The following CCDC30 variants were observed in gnomAD, a reference collection of about 807,000 sequenced individuals.
The protein encoded by CCDC30 is coiled-coil domain containing 30, also known as coiled-coil domain-containing protein 30.
In CCDC30, 70 loss-of-function variants were observed where a neutral mutation model predicts 100.2. The ratio of observed to expected loss-of-function variants is 0.70; its 90% CI spans 0.58 to 0.85. CCDC30 has a LOEUF of 0.85. CCDC30 is among the 40% of genes least tolerant of loss of function. CCDC30 has a pLI of 0.00. For synonymous variants in CCDC30, 233 were observed against 269.5 expected (o/e 0.86, Z 1.33); for missense variants, 652 against 771.2 (o/e 0.85, Z 1.83).
At chr1:42,620,044 C>T (rs1646800936) in intron 11 of CCDC30, among the ~76,000 whole-genome samples, 1 of 152,142 alleles carries the variant, frequency 6.6e-6, no homozygotes, top group Admixed American at 6.6e-5. Flanking sequence ...TGAAGTATAT[C>T]TCATCAGGAG....
chr1:42,599,328 G>C (rs1294248838), intron 10 of CCDC30, among the ~76,000 whole-genome samples: 1 of 152,184 alleles, frequency 6.6e-6, no homozygotes, highest in Non-Finnish European at 1.5e-5. Flanking sequence ...CTGTGAAGTA[G>C]TATAGTGTTA....
chr1:42,464,433 C>T (rs1476678219), intron 1 of CCDC30, among the ~76,000 whole-genome samples: 1 of 152,190 alleles, frequency 6.6e-6, no homozygotes, highest in Non-Finnish European at 1.5e-5. Flanking sequence ...GAACCCAACA[C>T]TGGGGATATG....
intron 6 of CCDC30, 110 bp downstream of exon 6, chr1:42,499,026 GCTGT>G (rs762470316): frequency 9.3e-4 from 469 of 502,564 alleles, no homozygotes; most frequent in Middle Eastern, 7.2e-3. Flanking sequence ...TTCTTATTGG[GCTGT>G]CTTTTTCTAA....
chr1:42,478,453 A>G (rs2148451275), intron 1 of CCDC30, among the ~76,000 whole-genome samples: 1 of 152,330 alleles, frequency 6.6e-6, no homozygotes, highest in South Asian at 2.1e-4. Context: ...AATAATGGCC[A>G]GAAAGAATTA....
At chr1:42,616,615 A>T (rs1646732047) in intron 11 of CCDC30, among the ~76,000 whole-genome samples, 2 of 152,344 alleles carry the variant, frequency 1.3e-5, no homozygotes, top group South Asian at 4.1e-4. Context: ...TTTTACTTAA[A>T]CACAAGCTAA....
chr1:42,640,607 T>G (rs1317094030), intron 12 of CCDC30, among the ~76,000 whole-genome samples: 2 of 152,140 alleles, frequency 1.3e-5, no homozygotes, highest in East Asian at 3.8e-4. Flanking sequence ...TAATAATAGA[T>G]GGATGGCCAG....
intron 1 of CCDC30, among the ~76,000 whole-genome samples, chr1:42,473,893 T>G (rs1269810263): frequency 6.6e-6 from 1 of 152,182 alleles, no homozygotes; most frequent in African/African-American, 2.4e-5. Flanking sequence ...ACAATAGGGC[T>G]ATCTATATCT....
intron 11 of CCDC30, among the ~76,000 whole-genome samples, chr1:42,634,462 C>T (rs935781403): frequency 6.6e-6 from 1 of 151,992 alleles, no homozygotes; most frequent in African/African-American, 2.4e-5. Context: ...GTGAACAATG[C>T]AGAGGTTTGT....
chr1:42,634,085 TCCATGATACATG>T (rs1328512510), intron 11 of CCDC30, among the ~76,000 whole-genome samples: 1 of 151,998 alleles, frequency 6.6e-6, no homozygotes, highest in Non-Finnish European at 1.5e-5. Context: ...TCACCTCCCG[TCCATGATACATG>T]GGGATTATGG....
chr1:42,503,298 G>A (rs923371946), intron 6 of CCDC30, among the ~76,000 whole-genome samples: 4 of 152,214 alleles, frequency 2.6e-5, no homozygotes, highest in Non-Finnish European at 5.9e-5. Flanking sequence ...AGTTTAATAG[G>A]CAGAGGAAAA....
chr1:42,500,112 C>T, intron 6 of CCDC30: 1 of 1,181,482 alleles, frequency 8.5e-7, no homozygotes. Context: ...GATCCAACCT[C>T]TTTGCATCTT....
At chr1:42,655,983 T>C (rs1648646266), downstream of CCDC30, among the ~76,000 whole-genome samples, 1 of 148,242 alleles carries the variant, frequency 6.7e-6, no homozygotes, top group Non-Finnish European at 1.5e-5. Context: ...AGTGATCCTC[T>C]CTCCTCAGCC....
At chr1:42,610,309 A>G (rs1400609230) in intron 10 of CCDC30, among the ~76,000 whole-genome samples, 1 of 152,254 alleles carries the variant, frequency 6.6e-6, no homozygotes, top group Non-Finnish European at 1.5e-5. Flanking sequence ...CCTAATTTTG[A>G]GTTTCTCATC....
intron 13 of CCDC30, among the ~76,000 whole-genome samples, chr1:42,644,048 A>G (rs1257447414): frequency 6.6e-6 from 1 of 152,208 alleles, no homozygotes; most frequent in African/African-American, 2.4e-5. Flanking sequence ...TACAGCCCAG[A>G]AGTTTATTAA....
chr1:42,467,552 G>T (rs1489031622), intron 1 of CCDC30, among the ~76,000 whole-genome samples: 1 of 152,162 alleles, frequency 6.6e-6, no homozygotes, highest in Non-Finnish European at 1.5e-5. Flanking sequence ...TAGAGAAGGA[G>T]GAGGGAAAGA....
At chr1:42,481,576 CAAAA>C (rs11312516) in intron 2 of CCDC30, among the ~76,000 whole-genome samples, 1,999 of 110,590 alleles carry the variant, frequency 0.018, 30 homozygotes, top group African/African-American at 0.058. Flanking sequence ...AACCCTGTCT[CAAAA>C]AAAAAAAAAA....
chr1:42,573,318 TA>T (rs1394770013), intron 7 of CCDC30, among the ~76,000 whole-genome samples: 1 of 152,146 alleles, frequency 6.6e-6, no homozygotes, highest in Non-Finnish European at 1.5e-5. Context: ...TCTCAATATT[TA>T]AATTTTCTTA....
At chr1:42,473,136 A>G in intron 1 of CCDC30, 2 of 1,229,138 alleles carry the variant, frequency 1.6e-6, no homozygotes, top group Non-Finnish European at 2.0e-6. Context: ...AAGTTCAGTT[A>G]GAAGACATAC....
chr1:42,494,476 A>C (rs1173256257), intron 4 of CCDC30, among the ~76,000 whole-genome samples: 3 of 152,152 alleles, frequency 2.0e-5, no homozygotes, highest in Non-Finnish European at 2.9e-5. Flanking sequence ...CACCAAAAGC[A>C]ATGGCAACAA....
Sources: allele counts gnomAD v4.1 joint callset (sites outside exome capture counted in the v4.1 genomes callset), GRCh38; gene constraint gnomAD v4.1.1; transcripts MANE v1.5; gene names NCBI Gene and HGNC (gene_info 2026-07-23, HGNC 2026-07-21).